The following SLC14A2 variants were observed in gnomAD, a reference collection of about 807,000 sequenced individuals.
SLC14A2 encodes urea transporter 2.
In SLC14A2, 91 loss-of-function variants were observed where a neutral mutation model predicts 104.6. The observed-to-expected ratio is 0.87, with a 90% CI of 0.73 to 1.04. The LOEUF (loss-of-function observed/expected upper bound fraction) is 1.04. Ranked by LOEUF, SLC14A2 falls within the 50% of genes least tolerant of loss-of-function variation. The probability of loss-of-function intolerance (pLI) is 0.00; values close to 1 mark genes in which losing one functional copy is unlikely to be tolerated. For synonymous variants in SLC14A2, 476 were observed against 466.4 expected, an observed-to-expected ratio of 1.02 and a Z score of -0.27; for missense variants, 1,189 against 1,156.0, an observed-to-expected ratio of 1.03 and a Z score of -0.41.
At chr18:45,373,478 T>C (rs2085743413) in intron 1 of SLC14A2, among the ~76,000 whole-genome samples, 3 of 152,180 alleles carry the variant, frequency 2.0e-5, no homozygotes, top group African/African-American at 7.2e-5. Context: ...CAGCCCTCCC[T>C]CATTTCCTCT....
chr18:45,666,715 A>G (rs532601806), intron 12 of SLC14A2, among the ~76,000 whole-genome samples: 2 of 152,344 alleles, frequency 1.3e-5, no homozygotes, highest in South Asian at 4.1e-4. Context: ...GAACGAAAGT[A>G]AAGATGTTAT....
intron 1 of SLC14A2, among the ~76,000 whole-genome samples, chr18:45,366,732 G>A (rs2085669457): frequency 6.6e-6 from 1 of 152,142 alleles, no homozygotes; most frequent in Non-Finnish European, 1.5e-5. Context: ...CTTACCTGGA[G>A]TATGTCTCTC....
At chr18:45,329,800 T>A (rs963008169) in intron 1 of SLC14A2, among the ~76,000 whole-genome samples, 5 of 152,184 alleles carry the variant, frequency 3.3e-5, no homozygotes, top group Non-Finnish European at 7.3e-5. Context: ...ATACTATACA[T>A]GCATGGAGCC....
At chr18:45,223,806 A>G (rs2084087085) in intron 1 of SLC14A2, among the ~76,000 whole-genome samples, 1 of 152,168 alleles carries the variant, frequency 6.6e-6, no homozygotes, top group Non-Finnish European at 1.5e-5. Context: ...AAACCCAGAG[A>G]CCTTCAAGGC....
upstream of SLC14A2, among the ~76,000 whole-genome samples, chr18:45,610,743 T>C (rs559084110): frequency 6.6e-6 from 1 of 152,300 alleles, no homozygotes; most frequent in South Asian, 2.1e-4. Context: ...ACTGGTCTAG[T>C]GTGGCCACAC....
intron 4 of SLC14A2, among the ~76,000 whole-genome samples, chr18:45,631,903 GC>G (rs2045351520): frequency 1.3e-5 from 2 of 152,158 alleles, no homozygotes; most frequent in African/African-American, 2.4e-5. Context: ...ACAGGCATGA[GC>G]CACTGAGCCT....
At chr18:45,530,050 G>T (rs2043658623) in intron 2 of SLC14A2, among the ~76,000 whole-genome samples, 1 of 152,082 alleles carries the variant, frequency 6.6e-6, no homozygotes. Context: ...TTTGTTCAAG[G>T]ACTCGTTAGG....
chr18:45,273,743 C>T (rs1242801728), intron 1 of SLC14A2, among the ~76,000 whole-genome samples: 1 of 152,098 alleles, frequency 6.6e-6, no homozygotes, highest in African/African-American at 2.4e-5. Context: ...CAAGCTGAAT[C>T]CAATGTGTTA....
At chr18:45,459,738 C>T (rs1376951616) in intron 1 of SLC14A2, among the ~76,000 whole-genome samples, 1 of 152,230 alleles carries the variant, frequency 6.6e-6, no homozygotes, top group African/African-American at 2.4e-5. Context: ...TAAAAGCTCT[C>T]ATGCTATGGC....
chr18:45,247,371 A>G (rs1329712139), intron 1 of SLC14A2, among the ~76,000 whole-genome samples: 1 of 152,236 alleles, frequency 6.6e-6, no homozygotes, highest in Non-Finnish European at 1.5e-5. Context: ...AGAAATGCTG[A>G]TAAGGAGAGT....
At chr18:45,498,444 G>A (rs764827527) in intron 2 of SLC14A2, among the ~76,000 whole-genome samples, 2 of 152,196 alleles carry the variant, frequency 1.3e-5, no homozygotes, top group Non-Finnish European at 2.9e-5. Flanking sequence ...GAAGTTTTGT[G>A]CCCAGGGTGA....
chr18:45,270,718 T>C (rs896808886), intron 1 of SLC14A2, among the ~76,000 whole-genome samples: 1 of 152,146 alleles, frequency 6.6e-6, no homozygotes, highest in African/African-American at 2.4e-5. Context: ...CCATCCATCT[T>C]TGGATATTTC....
chr18:45,669,282 C>G, intron 15 of SLC14A2, 24 bp from the exon 16 acceptor site: 4 of 1,595,836 alleles, frequency 2.5e-6, no homozygotes, highest in Non-Finnish European at 3.4e-6. Context: ...TCCTGACCAG[C>G]ATCTCTCATG....
At chr18:45,295,792 CT>C (rs1380020083) in intron 1 of SLC14A2, among the ~76,000 whole-genome samples, 1 of 152,178 alleles carries the variant, frequency 6.6e-6, no homozygotes, top group African/African-American at 2.4e-5. Flanking sequence ...TAGATTTACA[CT>C]TTTCCTTTCT....
intron 1 of SLC14A2, among the ~76,000 whole-genome samples, chr18:45,347,020 C>A (rs2085456386): frequency 6.7e-6 from 1 of 149,480 alleles, no homozygotes; most frequent in South Asian, 2.1e-4. Context: ...AACAAACAAA[C>A]AAATCAGGCC....
At chr18:45,338,712 A>AAAAC (rs1568158107) in intron 1 of SLC14A2, among the ~76,000 whole-genome samples, 4 of 143,934 alleles carry the variant, frequency 2.8e-5, no homozygotes, top group African/African-American at 5.4e-5. Flanking sequence ...AAAAAAAAAA[A>AAAAC]CTCTTTATTT....
the SLC14A2 span, among the ~76,000 whole-genome samples, chr18:45,199,377 G>C: frequency 6.6e-6 from 1 of 151,806 alleles, no homozygotes; most frequent in Non-Finnish European, 1.5e-5. Flanking sequence ...AGATATTGTT[G>C]CTTCTCAGCC....
At chr18:45,197,271 C>T in the SLC14A2 span, among the ~76,000 whole-genome samples, 1 of 152,160 alleles carries the variant, frequency 6.6e-6, no homozygotes. Context: ...TTCACCTGTT[C>T]TATCTCAAAA....
At chr18:45,340,172 GC>G (rs1206967352) in intron 1 of SLC14A2, among the ~76,000 whole-genome samples, 1 of 152,182 alleles carries the variant, frequency 6.6e-6, no homozygotes, top group Admixed American at 6.5e-5. Flanking sequence ...TCTCAGAGCA[GC>G]ATTTCTGAAC....
Sources: allele counts gnomAD v4.1 joint callset (sites outside exome capture counted in the v4.1 genomes callset), GRCh38; gene constraint gnomAD v4.1.1; transcripts MANE v1.5; gene names NCBI Gene and HGNC (gene_info 2026-07-23, HGNC 2026-07-21).